Variants in LOC400499 observed in about 807,000 individuals in gnomAD.
chr16:11,471,827 G>C, the LOC400499 span: 6 of 399,212 alleles, frequency 1.5e-5, no homozygotes, highest in African/African-American at 1.2e-4. Flanking sequence ...ACTGCAGAGA[G>C]AGGTAAGCAG....
At chr16:11,471,709 C>T in the LOC400499 span, 4 of 399,036 alleles carry the variant, frequency 1.0e-5, no homozygotes, top group African/African-American at 2.1e-5. Context: ...CCCCGGGTCC[C>T]GTTTCTGCAG....
At chr16:11,506,571 C>T in the LOC400499 span, among the ~76,000 whole-genome samples, 1 of 152,174 alleles carries the variant, frequency 6.6e-6, no homozygotes, top group Non-Finnish European at 1.5e-5. Flanking sequence ...GAAGTTGGCC[C>T]TGCTGGCTCC....
the LOC400499 span, among the ~76,000 whole-genome samples, chr16:11,390,855 C>A: frequency 1.3e-5 from 2 of 152,220 alleles, no homozygotes; most frequent in Non-Finnish European, 2.9e-5. Context: ...CCAATAAAAA[C>A]CCTGGGTGCT....
chr16:11,514,458 A>T, the LOC400499 span: 2 of 399,122 alleles, frequency 5.0e-6, no homozygotes, highest in East Asian at 3.6e-5. Flanking sequence ...GGCCCCGCGG[A>T]GTCCAGCTCT....
chr16:11,448,091 C>T, the LOC400499 span: 5 of 1,531,338 alleles, frequency 3.3e-6, no homozygotes, highest in East Asian at 1.2e-4. Flanking sequence ...AAGATCCAGG[C>T]TGAAGAGAGG....
the LOC400499 span, chr16:11,494,622 C>T: frequency 1.3e-5 from 5 of 399,070 alleles, no homozygotes; most frequent in Admixed American, 8.8e-5. Context: ...TCACCCAAGG[C>T]GTCTCCCAGG....
At chr16:11,518,384 A>G in the LOC400499 span, among the ~76,000 whole-genome samples, 2 of 152,086 alleles carry the variant, frequency 1.3e-5, no homozygotes, top group Admixed American at 6.5e-5. Context: ...CACAGGGAGA[A>G]TCCCAGGCTT....
the LOC400499 span, chr16:11,385,179 G>C: frequency 9.7e-6 from 12 of 1,231,584 alleles, no homozygotes; most frequent in Non-Finnish European, 1.2e-5. Flanking sequence ...GGGAGGCTCA[G>C]TCCTACAGGC....
the LOC400499 span, among the ~76,000 whole-genome samples, chr16:11,388,565 G>A: frequency 6.6e-6 from 1 of 152,124 alleles, no homozygotes; most frequent in African/African-American, 2.4e-5. Flanking sequence ...GGAGGATACT[G>A]GGTCCCCAGG....
the LOC400499 span, among the ~76,000 whole-genome samples, chr16:11,436,417 A>T: frequency 2.0e-5 from 3 of 151,794 alleles, no homozygotes; most frequent in African/African-American, 2.4e-5. Context: ...AGCAGTGGGG[A>T]GGGGAGCAGT....
the LOC400499 span, chr16:11,462,420 G>A: frequency 1.8e-5 from 24 of 1,299,518 alleles, no homozygotes; most frequent in Admixed American, 7.7e-5. Context: ...CTTCTACACC[G>A]ATCCTTACCC....
At chr16:11,463,023 T>C in the LOC400499 span, among the ~76,000 whole-genome samples, 3 of 152,268 alleles carry the variant, frequency 2.0e-5, no homozygotes, top group Admixed American at 1.3e-4. Flanking sequence ...CGTCGAATGA[T>C]GGCACACTAG....
chr16:11,496,796 G>T, the LOC400499 span, among the ~76,000 whole-genome samples: 197 of 152,280 alleles, frequency 1.3e-3, no homozygotes, highest in African/African-American at 4.2e-3. Flanking sequence ...CCTACTGTGT[G>T]TATGTGCATG....
chr16:11,462,157 T>C, the LOC400499 span: 4 of 1,531,620 alleles, frequency 2.6e-6, no homozygotes, highest in Admixed American at 2.0e-5. Flanking sequence ...GGCTCAGCGA[T>C]GCGGAGAAGG....
chr16:11,402,185 G>T, the LOC400499 span: 1 of 399,104 alleles, frequency 2.5e-6, no homozygotes, highest in Non-Finnish European at 4.4e-6. Flanking sequence ...ACACACAAAG[G>T]GTAGGGCACG....
the LOC400499 span, chr16:11,424,002 C>T: frequency 1.5e-5 from 6 of 398,610 alleles, no homozygotes; most frequent in East Asian, 7.1e-5. Context: ...ACCGTCAGCC[C>T]GGCCGCCAGA....
the LOC400499 span, among the ~76,000 whole-genome samples, chr16:11,386,007 G>A: frequency 5.9e-5 from 9 of 152,278 alleles, no homozygotes; most frequent in African/African-American, 2.2e-4. Context: ...CTGCACTCCA[G>A]CCAGGACAAC....
chr16:11,412,895 C>T, the LOC400499 span: 909 of 399,126 alleles, frequency 2.3e-3, 8 homozygotes, highest in African/African-American at 0.017. Context: ...CTGAGAATCG[C>T]AGGTCAGCTG....
the LOC400499 span, chr16:11,392,670 C>G: frequency 1.6e-6 from 1 of 636,830 alleles, no homozygotes; most frequent in Non-Finnish European, 2.0e-6. Context: ...ACCTGAAGCC[C>G]CCTCTTCTGT....
Sources: allele counts gnomAD v4.1 joint callset (sites outside exome capture counted in the v4.1 genomes callset), GRCh38; gene constraint gnomAD v4.1.1; transcripts MANE v1.5.